The following OXR1 variants were observed in gnomAD, a reference collection of about 807,000 sequenced individuals.
The protein encoded by OXR1 is oxidation resistance 1.
Under a neutral mutation model 104.6 loss-of-function variants are expected in OXR1, and 41 were observed. The observed-to-expected ratio is 0.39, with a 90% CI of 0.31 to 0.51. OXR1 has a LOEUF of 0.51. Ranked by LOEUF, OXR1 falls within the 20% of genes least tolerant of loss-of-function variation. The pLI, the probability that OXR1 is intolerant of heterozygous loss-of-function variation, is 0.77. For synonymous variants in OXR1, 348 were observed against 348.4 expected, an observed-to-expected ratio of 1.00 and a Z score of 0.01; for missense variants, 955 against 1,031.9, an observed-to-expected ratio of 0.93 and a Z score of 1.02.
intron 2 of OXR1, among the ~76,000 whole-genome samples, chr8:106,482,360 G>A (rs1208901291): frequency 2.6e-5 from 4 of 151,134 alleles, no homozygotes; most frequent in Admixed American, 2.6e-4. Context: ...AGCAATGAGT[G>A]AGTGAGATGA....
chr8:106,554,174 A>G (rs1190559557), intron 3 of OXR1, among the ~76,000 whole-genome samples: 4 of 152,194 alleles, frequency 2.6e-5, no homozygotes, highest in African/African-American at 9.7e-5. Flanking sequence ...GTAATAAGAC[A>G]TATCAACATC....
At chr8:106,526,710 T>G (rs569186182) in intron 3 of OXR1, among the ~76,000 whole-genome samples, 1 of 152,168 alleles carries the variant, frequency 6.6e-6, no homozygotes, top group South Asian at 2.1e-4. Context: ...GCCCGGCTAA[T>G]TTTTTTGTAT....
chr8:106,633,674 T>C (rs1212891066), intron 3 of OXR1, among the ~76,000 whole-genome samples: 1 of 152,226 alleles, frequency 6.6e-6, no homozygotes, highest in African/African-American at 2.4e-5. Context: ...TGATAGAATT[T>C]ATTACAAGGA....
intron 10 of OXR1, among the ~76,000 whole-genome samples, chr8:106,712,541 G>A (rs1192212353): frequency 1.3e-5 from 2 of 152,028 alleles, no homozygotes; most frequent in Non-Finnish European, 1.5e-5. Context: ...AGTAACATAT[G>A]GAAATTGGAG....
rs754940443 is a variant in OXR1 at position 106,322,638 on chromosome 8, A to G, written c.-138-36838A>G. On this transcript the variant is annotated intron_variant, in intron 1 of 16. Coordinates refer to ENST00000517566, the MANE Select transcript of OXR1 (RefSeq NM_001198533.2). The stretch of plus-strand genomic sequence containing the variant: ...CATGATTCTATATCTAGAAAACCTT[A>G]TCAACTCATCCTAAAAGCTCTTCCA... Among the ~76,000 whole-genome samples, 52 of 152,190 alleles carry G rather than the reference A, an allele frequency of 3.4e-4. 1 individual carries two copies. The highest frequency in any genetic ancestry group is 7.3e-5 in the Non-Finnish European group (5 of 68,030).
Position 106,288,797 on chromosome 8 carries a change from A to G in OXR1, c.-139+18430A>G, listed in dbSNP as rs1007649601. Among the ~76,000 whole-genome samples, 3 of 150,158 alleles carry G rather than the reference A, an allele frequency of 2.0e-5. No homozygotes were observed. In the Admixed American group the frequency reaches 2.0e-4, roughly 10 times the overall value. ...TATAAATATATATGTGTACATATATATAGTATATTCTTAAGATACCTGCAT... is the reference window on the plus strand; with the variant it reads ...TATAAATATATATGTGTACATATATGTAGTATATTCTTAAGATACCTGCAT... On this transcript the variant is annotated intron_variant, in intron 1 of 16. Coordinates refer to ENST00000517566, the MANE Select transcript of OXR1 (RefSeq NM_001198533.2).
At chr8:106,371,688 A>T (rs187797084) in intron 2 of OXR1, among the ~76,000 whole-genome samples, 1 of 152,272 alleles carries the variant, frequency 6.6e-6, no homozygotes, top group East Asian at 1.9e-4. Flanking sequence ...TCCAGTTTCC[A>T]TGAAATCGTG....
chr8:106,354,975 ATTG>A (rs1366605719), intron 1 of OXR1, among the ~76,000 whole-genome samples: 1 of 152,090 alleles, frequency 6.6e-6, no homozygotes, highest in Admixed American at 6.5e-5. Context: ...CCAATAATCC[ATTG>A]TTGTATTCAA....
rs190837687 is a variant in OXR1, at chr8:106,346,231, G to A, written c.-138-13245G>A. Among the ~76,000 whole-genome samples the A allele has an allele frequency of 1.7e-3, 253 of 152,288 alleles. 1 individual carries two copies. The Middle Eastern group carries it at 0.017, about 10-fold the overall frequency. ...TGTTATCAGAAGATAATGAAAAAGA[G>A]CTAGAATATTACGCATCCAAAGATA... On this transcript the variant is annotated intron_variant, in intron 1 of 16. Transcript: ENST00000517566.
chr8:106,702,418 G>T (rs1830667739), intron 7 of OXR1, among the ~76,000 whole-genome samples: 1 of 152,106 alleles, frequency 6.6e-6, no homozygotes, highest in Admixed American at 6.5e-5. Flanking sequence ...ACAAATCTAG[G>T]TAGTAGTAGA....
At chr8:106,657,790 C>G in intron 3 of OXR1, 1 of 1,209,562 alleles carries the variant, frequency 8.3e-7, no homozygotes, top group Non-Finnish European at 1.0e-6. Context: ...TTTTGCTCCC[C>G]CGACGCGTGG....
intron 2 of OXR1, among the ~76,000 whole-genome samples, chr8:106,470,812 C>T (rs11991428): frequency 0.09 from 13,632 of 151,562 alleles, 1,617 homozygotes; most frequent in African/African-American, 0.28. Context: ...AGTGTGACAT[C>T]TTAGACATTA....
intron 4 of OXR1, chr8:106,682,689 TATG>T (rs1192314884): frequency 6.5e-6 from 1 of 154,412 alleles, no homozygotes; most frequent in Non-Finnish European, 1.5e-5. Flanking sequence ...TTTCTACACA[TATG>T]ATCATGGAAA....
intron 14 of OXR1, among the ~76,000 whole-genome samples, chr8:106,740,895 A>G (rs1402589087): frequency 6.6e-6 from 1 of 152,170 alleles, no homozygotes; most frequent in African/African-American, 2.4e-5. Flanking sequence ...AGCCAGAACA[A>G]AAGCACAAAT....
chr8:106,606,333 C>A (rs1820390242), intron 3 of OXR1, among the ~76,000 whole-genome samples: 1 of 143,638 alleles, frequency 7.0e-6, no homozygotes, highest in South Asian at 2.2e-4. Flanking sequence ...CAGAGTCCCA[C>A]TCTGTTGCCC....
chr8:106,303,240 TTTTC>T (rs1324849470), intron 1 of OXR1, among the ~76,000 whole-genome samples: 1 of 135,124 alleles, frequency 7.4e-6, no homozygotes. Context: ...GGCAATTTTT[TTTTC>T]TTTCTTTTTT....
intron 3 of OXR1, among the ~76,000 whole-genome samples, chr8:106,576,023 A>AC (rs1563616871): frequency 6.0e-5 from 6 of 100,310 alleles, no homozygotes; most frequent in African/African-American, 2.2e-4. Context: ...CACACACACA[A>AC]AACCCTGAAA....
chr8:106,701,320 AT>A (rs1830566660), intron 7 of OXR1, among the ~76,000 whole-genome samples: 1 of 152,200 alleles, frequency 6.6e-6, no homozygotes, highest in Non-Finnish European at 1.5e-5. Flanking sequence ...GATCTTGAAC[AT>A]CCGCAGTAAC....
intron 3 of OXR1, among the ~76,000 whole-genome samples, chr8:106,612,225 T>C (rs894667203): frequency 6.6e-6 from 1 of 152,144 alleles, no homozygotes; most frequent in African/African-American, 2.4e-5. Context: ...GTGAAAGAAA[T>C]GTAAATACAT....
Sources: gnomAD v4.1 joint callset for allele counts (sites outside exome capture counted in the v4.1 genomes callset) on GRCh38, gnomAD v4.1.1 for gene constraint, MANE v1.5 for transcripts, NCBI Gene and HGNC (gene_info 2026-07-23, HGNC 2026-07-21) for gene names.